PXDNL: variants seen among roughly 807,000 people sequenced by gnomAD.
The protein encoded by PXDNL is peroxidasin like.
Under a neutral mutation model 150.8 loss-of-function variants are expected in PXDNL, and 145 were observed. That is an observed-to-expected ratio of 0.96 (90% CI 0.84 to 1.10). The LOEUF (loss-of-function observed/expected upper bound fraction) is 1.10, where lower values mean the gene tolerates loss of function less well. Among genes scored for constraint, PXDNL ranks in the 50% least tolerant of loss-of-function variants. The pLI, the probability that PXDNL is intolerant of heterozygous loss-of-function variation, is 0.00. For synonymous variants in PXDNL, 757 were observed against 725.7 expected, an observed-to-expected ratio of 1.04 and a Z score of -0.69; for missense variants, 2,087 against 1,873.9, an observed-to-expected ratio of 1.11 and a Z score of -2.10.
At chr8:51,443,959 C>T (rs1476851415) in intron 12 of PXDNL, among the ~76,000 whole-genome samples, 1 of 152,018 alleles carries the variant, frequency 6.6e-6, no homozygotes, top group African/African-American at 2.4e-5. Flanking sequence ...TATACATGTG[C>T]CATGTTGGTG....
At chr8:51,499,453 G>T (rs1159187483) in intron 5 of PXDNL, among the ~76,000 whole-genome samples, 1 of 152,214 alleles carries the variant, frequency 6.6e-6, no homozygotes, top group East Asian at 1.9e-4. Context: ...TTTTTAAATA[G>T]CTTTCTCTCA....
chr8:51,602,489 G>A (rs7819583), intron 2 of PXDNL, among the ~76,000 whole-genome samples: 2 of 151,556 alleles, frequency 1.3e-5, no homozygotes, highest in African/African-American at 4.8e-5. Context: ...AGTGAATTTG[G>A]TAACTTTTTT....
chr8:51,690,529 A>G lies in PXDNL; in HGVS notation c.165-35769T>C, dbSNP rs1815972005. Among the ~76,000 whole-genome samples the G allele has an allele frequency of 2.6e-5, 4 of 152,194 alleles. No individual in the cohort carries two copies. The South Asian group carries it at 8.3e-4, about 32-fold the overall frequency. On this transcript the variant is annotated intron_variant, in intron 1 of 22. Coordinates refer to ENST00000356297, the MANE Select transcript of PXDNL (RefSeq NM_144651.5). ...ATTTGTTATGGCTGCATAGTATTCC[A>G]TGGTGTATATGTGCCACATTTTCTT...
chr8:51,383,292 G>T (rs1026053100), intron 17 of PXDNL, among the ~76,000 whole-genome samples: 3 of 152,060 alleles, frequency 2.0e-5, no homozygotes, highest in African/African-American at 2.4e-5. Flanking sequence ...AATAGCTTTG[G>T]TATGTCATTT....
chr8:51,408,802 G>T lies in PXDNL; in HGVS notation c.2822C>A (p.Pro941His). The T allele has an allele frequency of 6.4e-7, 1 of 1,570,902 alleles. No individual in the cohort carries two copies. The highest frequency in any genetic ancestry group is 8.6e-7 in the Non-Finnish European group (1 of 1,159,350). Reference protein sequence around the residue: ...KPLLPFSTGPPTECARQEQES... With the variant: ...KPLLPFSTGPHTECARQEQES... The stretch of plus-strand genomic sequence containing the variant: ...CTGCTCCTGTCGCGCGCACTCGGTG[G>T]GTGGGCCTGTAGAAAAGGGCAATAA... Residue 941 changes from proline to histidine, a missense_variant, in exon 17 of 23, where the codon CCC (proline) becomes CAC (histidine). Pro to His is a moderately conservative substitution (Grantham distance 77). Coordinates refer to ENST00000356297, the MANE Select transcript of PXDNL (RefSeq NM_144651.5).
At chr8:51,755,950 G>A (rs1256334779) in intron 1 of PXDNL, among the ~76,000 whole-genome samples, 3 of 152,150 alleles carry the variant, frequency 2.0e-5, no homozygotes, top group African/African-American at 7.2e-5. Flanking sequence ...AGTAATTGCG[G>A]TTTTTGCTAT....
chr8:51,627,723 T>C (rs202170045), intron 2 of PXDNL, among the ~76,000 whole-genome samples: 2 of 152,162 alleles, frequency 1.3e-5, no homozygotes, highest in African/African-American at 4.8e-5. Flanking sequence ...GTAAGAAAGC[T>C]TTGTGGTGTT....
intron 3 of PXDNL, among the ~76,000 whole-genome samples, chr8:51,559,666 A>T (rs1293377512): frequency 6.6e-6 from 1 of 151,966 alleles, no homozygotes; most frequent in Non-Finnish European, 1.5e-5. Flanking sequence ...CTCTGGCAGA[A>T]GGGGTAGAAC....
intron 2 of PXDNL, among the ~76,000 whole-genome samples, chr8:51,617,513 G>T (rs1188497667): frequency 6.6e-6 from 1 of 152,160 alleles, no homozygotes; most frequent in East Asian, 1.9e-4. Flanking sequence ...GATTTCCATC[G>T]AGTTTTCACA....
intron 12 of PXDNL, among the ~76,000 whole-genome samples, chr8:51,443,368 C>T (rs1361440686): frequency 2.0e-5 from 3 of 152,002 alleles, no homozygotes; most frequent in Non-Finnish European, 4.4e-5. Flanking sequence ...TCATAATGCT[C>T]TGAAAACAAA....
chr8:51,724,760 C>A (rs1448830611), intron 1 of PXDNL, among the ~76,000 whole-genome samples: 1 of 152,154 alleles, frequency 6.6e-6, no homozygotes, highest in African/African-American at 2.4e-5. Flanking sequence ...AAGCTCTCAG[C>A]TCCCTGTCCA....
intron 1 of PXDNL, among the ~76,000 whole-genome samples, chr8:51,700,195 A>ACACC (rs1491017064): frequency 7.3e-6 from 1 of 137,814 alleles, no homozygotes; most frequent in African/African-American, 2.7e-5. Flanking sequence ...ACACACACAC[A>ACACC]CCATCACACA....
intron 1 of PXDNL, among the ~76,000 whole-genome samples, chr8:51,702,150 T>C (rs1299577045): frequency 6.6e-6 from 1 of 152,220 alleles, no homozygotes; most frequent in African/African-American, 2.4e-5. Flanking sequence ...ATTTGCATAA[T>C]GTATCTGATA....
intron 12 of PXDNL, among the ~76,000 whole-genome samples, chr8:51,437,944 A>T (rs1809445758): frequency 6.6e-6 from 1 of 152,216 alleles, no homozygotes; most frequent in African/African-American, 2.4e-5. Context: ...AGAACTGATA[A>T]ATGTATTCAG....
At chr8:51,523,165 T>C (rs1243281822) in intron 4 of PXDNL, among the ~76,000 whole-genome samples, 1 of 152,220 alleles carries the variant, frequency 6.6e-6, no homozygotes, top group African/African-American at 2.4e-5. Context: ...TAAATATCTA[T>C]GATGTGTCTA....
chr8:51,473,974 C>G (rs932632583), intron 7 of PXDNL, among the ~76,000 whole-genome samples: 3 of 152,126 alleles, frequency 2.0e-5, no homozygotes, highest in Non-Finnish European at 2.9e-5. Context: ...AGATGTGAAG[C>G]AATCCAGCCA....
At chr8:51,344,741 G>A (rs957168102) in intron 20 of PXDNL, among the ~76,000 whole-genome samples, 1 of 152,146 alleles carries the variant, frequency 6.6e-6, no homozygotes, top group African/African-American at 2.4e-5. Flanking sequence ...AAAATGCTAG[G>A]TACTATATTA....
At chr8:51,697,711 A>C (rs933059521) in intron 1 of PXDNL, among the ~76,000 whole-genome samples, 3 of 152,206 alleles carry the variant, frequency 2.0e-5, no homozygotes, top group Non-Finnish European at 2.9e-5. Flanking sequence ...CCTGTCTGTA[A>C]GTCTTAATAA....
intron 19 of PXDNL, among the ~76,000 whole-genome samples, chr8:51,346,176 C>T (rs1352676961): frequency 6.6e-6 from 1 of 152,192 alleles, no homozygotes; most frequent in Non-Finnish European, 1.5e-5. Context: ...AAGTGGGATG[C>T]AAGGCAGTCT....
Sources: allele counts gnomAD v4.1 joint callset (sites outside exome capture counted in the v4.1 genomes callset), GRCh38; gene constraint gnomAD v4.1.1; transcripts MANE v1.5; gene names NCBI Gene and HGNC (gene_info 2026-07-23, HGNC 2026-07-21).